Variants in ZEB1 observed in about 807,000 individuals in gnomAD.
The protein encoded by ZEB1 is zinc finger E-box-binding homeobox 1.
A neutral mutation model predicts 84.9 loss-of-function variants in ZEB1; 21 were observed. The observed-to-expected ratio is 0.25, with a 90% CI of 0.18 to 0.36. The LOEUF (loss-of-function observed/expected upper bound fraction) is 0.36. Among genes scored for constraint, ZEB1 ranks in the 10% least tolerant of loss-of-function variants. The pLI, the probability that ZEB1 is intolerant of heterozygous loss-of-function variation, is 1.00. For synonymous variants in ZEB1, 420 were observed against 471.1 expected (o/e 0.89, Z 1.41); for missense variants, 1,104 against 1,330.2 (o/e 0.83, Z 2.65).
chr10:31,403,922 C>G (rs919569959), intron 1 of ZEB1, among the ~76,000 whole-genome samples: 4 of 151,906 alleles, frequency 2.6e-5, no homozygotes, highest in Non-Finnish European at 1.5e-5. Flanking sequence ...AATAAAAATA[C>G]ATTTTAAAAC....
At chr10:31,368,362 G>A (rs772764741) in intron 1 of ZEB1, among the ~76,000 whole-genome samples, 9 of 151,980 alleles carry the variant, frequency 5.9e-5, no homozygotes, top group Non-Finnish European at 1.3e-4. Flanking sequence ...TCATTGTGTC[G>A]CCCAGGCTGG....
intron 1 of ZEB1, among the ~76,000 whole-genome samples, chr10:31,399,337 C>T (rs1008308854): frequency 3.3e-5 from 5 of 152,064 alleles, no homozygotes; most frequent in African/African-American, 4.8e-5. Context: ...CTGAATTCCT[C>T]ATCTTTCCCC....
chr10:31,480,663 G>A (rs2064925630), intron 2 of ZEB1, among the ~76,000 whole-genome samples: 1 of 152,022 alleles, frequency 6.6e-6, no homozygotes, highest in Non-Finnish European at 1.5e-5. Context: ...AGTATTCAGA[G>A]GTGGCACTAA....
chr10:31,320,909 C>A (rs558749177), intron 1 of ZEB1, among the ~76,000 whole-genome samples: 17 of 152,282 alleles, frequency 1.1e-4, no homozygotes, highest in African/African-American at 3.8e-4. Context: ...TGGGCGGCAA[C>A]GGCCCTGCCG....
intron 1 of ZEB1, among the ~76,000 whole-genome samples, chr10:31,421,293 C>G (rs545147511): frequency 1.3e-5 from 2 of 151,990 alleles, no homozygotes; most frequent in East Asian, 1.9e-4. Context: ...AGAAGAGTAT[C>G]GGTGTGGGTT....
intron 2 of ZEB1, among the ~76,000 whole-genome samples, chr10:31,490,208 G>A (rs529949289): frequency 6.6e-6 from 1 of 151,526 alleles, no homozygotes; most frequent in African/African-American, 2.4e-5. Flanking sequence ...TTGAGGTTCA[G>A]TTCTTAAATC....
At chr10:31,321,583 G>C in intron 1 of ZEB1, 1 of 1,613,836 alleles carries the variant, frequency 6.2e-7, no homozygotes, top group Non-Finnish European at 8.5e-7. Flanking sequence ...TTAAAATGTT[G>C]ATCGCCAGAG....
chr10:31,361,419 C>CT (rs1360917722), intron 1 of ZEB1, among the ~76,000 whole-genome samples: 1 of 152,168 alleles, frequency 6.6e-6, no homozygotes, highest in African/African-American at 2.4e-5. Context: ...TCTTGATCTC[C>CT]TTTTTTTAAA....
At chr10:31,453,696 G>A (rs1029177908) in intron 1 of ZEB1, among the ~76,000 whole-genome samples, 1 of 152,042 alleles carries the variant, frequency 6.6e-6, no homozygotes, top group Admixed American at 6.6e-5. Flanking sequence ...ACCCTCCCAA[G>A]TCTAAACCCA....
At position 31,527,116 on chromosome 10, in the gene ZEB1, A is replaced by T. The variant is rs375270538; in HGVS notation, c.3230A>T (p.Glu1077Val). ...EEEEEEVEEE[E>V]VEEAENEGEE... ...GAGGAGGAAGAAGTGGAAGAAGAAGAGGTAGAAGAGGCAGAGAATGAGGGA... is the reference window on the plus strand; with the variant it reads ...GAGGAGGAAGAAGTGGAAGAAGAAGTGGTAGAAGAGGCAGAGAATGAGGGA... The change falls in exon 9 of 9, where the codon GAG (glutamate) becomes GTG (valine). Residue 1077 changes from glutamate (E) to valine (V), a missense_variant. Glu to Val is a moderately radical substitution (Grantham distance 121). Transcript: ENST00000424869. 2.4e-5 allele frequency: 38 copies of T among 1,604,350 alleles called. No homozygotes were observed. The highest frequency in any genetic ancestry group is 2.9e-5 in the Non-Finnish European group (34 of 1,174,934).
intron 1 of ZEB1, chr10:31,363,181 G>C: frequency 6.5e-7 from 1 of 1,533,992 alleles, no homozygotes; most frequent in Non-Finnish European, 8.7e-7. Context: ...CAGCAAGCCT[G>C]GAGAGCTGGG....
chr10:31,354,478 A>G (rs905641218), intron 1 of ZEB1, among the ~76,000 whole-genome samples: 1 of 152,152 alleles, frequency 6.6e-6, no homozygotes. Context: ...GGGGAGGAGG[A>G]GAATTTTTCT....
At chr10:31,432,609 T>C (rs773441327) in intron 1 of ZEB1, among the ~76,000 whole-genome samples, 17 of 152,066 alleles carry the variant, frequency 1.1e-4, no homozygotes, top group Non-Finnish European at 1.8e-4. Context: ...TTTAATTCAG[T>C]GTGAATAGAT....
chr10:31,385,521 T>A (rs990768032), intron 1 of ZEB1, among the ~76,000 whole-genome samples: 3 of 151,830 alleles, frequency 2.0e-5, no homozygotes, highest in Non-Finnish European at 2.9e-5. Context: ...TTTCTTTTTT[T>A]CTTTTTCTTT....
At position 31,527,659 on chromosome 10, in the gene ZEB1, A is replaced by T. The variant is rs576263920; in HGVS notation, c.*395A>T. 5.6e-6 allele frequency: 1 copy of T among 177,370 alleles called. No individual in the cohort carries two copies. Among genetic ancestry groups the T allele is most frequent in the Non-Finnish European group, 1.2e-5 (1 of 82,126 alleles). 11.0% of individuals were successfully genotyped at this position (177,370 alleles called of 1,614,324 possible). ...AGTATTATCACTCTTATGTTGGTTT[A>T]TTCTTAAGCTGTACAATTGGGAGAA... On this transcript the variant is annotated 3_prime_UTR_variant, in exon 9 of 9. Coordinates refer to ENST00000424869, the MANE Select transcript of ZEB1 (RefSeq NM_001174096.2).
chr10:31,422,768 C>G (rs2056377823), intron 1 of ZEB1, among the ~76,000 whole-genome samples: 1 of 152,030 alleles, frequency 6.6e-6, no homozygotes, highest in Non-Finnish European at 1.5e-5. Context: ...GATCCTGTCA[C>G]TCAAATACTG....
At chr10:31,376,317 A>G (rs983669565) in intron 1 of ZEB1, among the ~76,000 whole-genome samples, 2 of 151,726 alleles carry the variant, frequency 1.3e-5, no homozygotes, top group African/African-American at 2.4e-5. Context: ...TAATCCGCTC[A>G]TACTCCTCAT....
rs539998531 is a variant in ZEB1 at position 31,346,333 on chromosome 10, A to G, written c.58+27041A>G. On this transcript the variant is annotated intron_variant, in intron 1 of 8. Coordinates refer to ENST00000424869, the MANE Select transcript of ZEB1 (RefSeq NM_001174096.2). ...CTGGATAGTTGGTTTTCAGAATTCTAGTTACAGAAACTAGTAAAAGAATAT... is the reference window on the plus strand; with the variant it reads ...CTGGATAGTTGGTTTTCAGAATTCTGGTTACAGAAACTAGTAAAAGAATAT... Among the ~76,000 whole-genome samples the G allele has an allele frequency of 2.0e-5, 3 of 152,274 alleles. 1 individual carries two copies. The South Asian group carries it at 6.2e-4, about 32-fold the overall frequency.
intron 2 of ZEB1, among the ~76,000 whole-genome samples, chr10:31,490,513 G>C (rs2066380879): frequency 6.6e-6 from 1 of 151,538 alleles, no homozygotes; most frequent in Non-Finnish European, 1.5e-5. Context: ...TGTATGTTTA[G>C]TTCTAAAATT....
Sources: allele counts gnomAD v4.1 joint callset (sites outside exome capture counted in the v4.1 genomes callset), GRCh38; gene constraint gnomAD v4.1.1; transcripts MANE v1.5; gene names NCBI Gene and HGNC (gene_info 2026-07-23, HGNC 2026-07-21).